CCN4: variants seen among roughly 807,000 people sequenced by gnomAD.
The protein encoded by CCN4 is CCN family member 4.
CCN4 carries 30 observed loss-of-function variants against 36.7 expected under a neutral mutation model. That is an observed-to-expected ratio of 0.82 (90% CI 0.61 to 1.11). The LOEUF is 1.11. Ranked by LOEUF, CCN4 falls within the 50% of genes least tolerant of loss-of-function variation. The pLI, the probability that CCN4 is intolerant of heterozygous loss-of-function variation, is 0.00. For synonymous variants in CCN4, 191 were observed against 195.4 expected, an observed-to-expected ratio of 0.98 and a Z score of 0.19; for missense variants, 505 against 504.9, an observed-to-expected ratio of 1.00 and a Z score of 0.00.
At chr8:133,196,316 T>G (rs1297841954) in intron 1 of CCN4, among the ~76,000 whole-genome samples, 2 of 152,228 alleles carry the variant, frequency 1.3e-5, no homozygotes, top group Non-Finnish European at 2.9e-5. Context: ...AAGCATAAGA[T>G]ACACCATTGA....
intron 1 of CCN4, among the ~76,000 whole-genome samples, chr8:133,200,875 C>A (rs927969090): frequency 5.3e-5 from 8 of 152,200 alleles, no homozygotes; most frequent in Admixed American, 5.2e-4. Flanking sequence ...CATCACGTGT[C>A]ATGCCACGTT....
At chr8:133,220,886 G>A (rs1184542145) in intron 3 of CCN4, 45 bp downstream of exon 3, 1 of 1,557,650 alleles carries the variant, frequency 6.4e-7, no homozygotes, top group African/African-American at 1.4e-5. Flanking sequence ...CCTACAAATG[G>A]GTTGTGGACC....
At chr8:133,226,751 C>T (rs773967343) in intron 4 of CCN4, among the ~76,000 whole-genome samples, 11 of 152,180 alleles carry the variant, frequency 7.2e-5, no homozygotes, top group South Asian at 2.1e-4. Context: ...AGCTTCATGC[C>T]GCCATACAGC....
At chr8:133,217,211 C>CCCAT (rs1854348883) in intron 2 of CCN4, among the ~76,000 whole-genome samples, 1 of 152,240 alleles carries the variant, frequency 6.6e-6, no homozygotes, top group African/African-American at 2.4e-5. Context: ...CACCCCAGTT[C>CCCAT]CCATCCATCC....
intron 1 of CCN4, among the ~76,000 whole-genome samples, chr8:133,210,409 G>GTA (rs1034684064): frequency 1.5e-5 from 2 of 131,684 alleles, no homozygotes; most frequent in African/African-American, 5.0e-5. Flanking sequence ...GTGTGTGTGT[G>GTA]TGTGTGTGTG....
chr8:133,217,936 C>CCACACACACACATGCACACACA (rs1854382523), intron 2 of CCN4, among the ~76,000 whole-genome samples: 4 of 144,432 alleles, frequency 2.8e-5, no homozygotes, highest in African/African-American at 2.7e-5. Flanking sequence ...ACTCCCTTCT[C>CCACACACACACATGCACACACA]CACACACACA....
At chr8:133,202,655 C>G (rs1036951934) in intron 1 of CCN4, among the ~76,000 whole-genome samples, 1 of 152,204 alleles carries the variant, frequency 6.6e-6, no homozygotes, top group East Asian at 1.9e-4. Context: ...GGAAACCACC[C>G]TTGGGAGTTT....
At chr8:133,219,719 A>T (rs1455635703) in intron 2 of CCN4, among the ~76,000 whole-genome samples, 1 of 152,226 alleles carries the variant, frequency 6.6e-6, no homozygotes, top group Non-Finnish European at 1.5e-5. Context: ...CAGCATTCCT[A>T]TGCATAATTG....
Position 133,230,355 on chromosome 8 carries a change from T to C in CCN4, c.*2645T>C, listed in dbSNP as rs1322698541. 2 of 152,228 alleles carry C rather than the reference T, an allele frequency of 1.3e-5. No individual in the cohort carries two copies. Among genetic ancestry groups the C allele is most frequent in the Admixed American group, 1.3e-4 (2 of 15,290 alleles). 9.4% of individuals were successfully genotyped at this position (152,228 alleles called of 1,614,324 possible). On this transcript the variant is annotated 3_prime_UTR_variant, in exon 5 of 5. Transcript: ENST00000250160. ...TATAATGGAAAAAAATCTCCACTGA[T>C]TGAGTGTTTACTTGGTGCCAAGCAC...
At chr8:133,194,380 T>G (rs1277140892) in intron 1 of CCN4, among the ~76,000 whole-genome samples, 12 of 65,782 alleles carry the variant, frequency 1.8e-4, no homozygotes, top group South Asian at 6.1e-4. Context: ...GTGTGTGGGG[T>G]GTGTGTGTGG....
chr8:133,193,392 G>A (rs1480616360), intron 1 of CCN4, among the ~76,000 whole-genome samples: 1 of 152,216 alleles, frequency 6.6e-6, no homozygotes, highest in African/African-American at 2.4e-5. Context: ...AGCCCAGAAG[G>A]AGATCAGCCA....
In CCN4 at chr8:133,220,629, G is replaced by T. The variant is rs1436877826; in HGVS notation, c.398G>T (p.Gly133Val). 6.2e-7 allele frequency: 1 copy of T among 1,614,192 alleles called. No individual in the cohort carries two copies. The highest frequency in any genetic ancestry group is 8.5e-7 in the Non-Finnish European group (1 of 1,180,018). ...CTGGATGGGGTGCGCTACAACAACG[G>T]CCAGTCCTTCCAGCCTAACTGCAAG... Reference protein sequence around the residue: ...CVLDGVRYNNGQSFQPNCKYN... With the variant: ...CVLDGVRYNNVQSFQPNCKYN... Residue 133 changes from glycine (G) to valine (V), a missense_variant, in exon 3 of 5, where the codon GGC (glycine) becomes GTC (valine). Transcript: ENST00000250160.
chr8:133,199,497 T>C (rs1853508179), intron 1 of CCN4, among the ~76,000 whole-genome samples: 1 of 152,116 alleles, frequency 6.6e-6, no homozygotes. Flanking sequence ...AGGTTGGGTG[T>C]GGAGCATGTG....
chr8:133,195,629 C>G (rs935711655), intron 1 of CCN4, among the ~76,000 whole-genome samples: 1 of 152,102 alleles, frequency 6.6e-6, no homozygotes, highest in African/African-American at 2.4e-5. Flanking sequence ...ACGAGGACGG[C>G]ACTGAAAGGC....
At chr8:133,200,848 C>G (rs1193692667) in intron 1 of CCN4, among the ~76,000 whole-genome samples, 2 of 152,184 alleles carry the variant, frequency 1.3e-5, no homozygotes, top group Non-Finnish European at 2.9e-5. Flanking sequence ...TAAGCCCTAG[C>G]AACATGGCCC....
rs536884015 is a variant in CCN4, at chr8:133,213,114, G to A, written c.320G>A (p.Arg107His). 9.3e-6 allele frequency: 15 copies of A among 1,612,768 alleles called. No individual in the cohort carries two copies. In the South Asian group the frequency reaches 1.2e-4, roughly 13 times the overall value. Residue 107 changes from arginine (R) to histidine (H), a missense_variant, in exon 2 of 5, where the codon CGC (arginine) becomes CAC (histidine). Coordinates refer to ENST00000250160, the MANE Select transcript of CCN4 (RefSeq NM_003882.4). Reference protein sequence around the residue: ...RGLYCDYSGDRPRYAIGVCAQ... With the variant: ...RGLYCDYSGDHPRYAIGVCAQ... ...CTCTACTGTGACTACAGCGGGGACC[G>A]CCCGAGGTACGCAATAGGAGTGTGT...
chr8:133,208,555 C>T (rs969838157), intron 1 of CCN4, among the ~76,000 whole-genome samples: 3 of 152,202 alleles, frequency 2.0e-5, no homozygotes, highest in Non-Finnish European at 4.4e-5. Context: ...CATCCTCATC[C>T]GTCCTAGCCT....
chr8:133,207,946 C>A (rs1416435407), intron 1 of CCN4, among the ~76,000 whole-genome samples: 1 of 151,024 alleles, frequency 6.6e-6, no homozygotes, highest in African/African-American at 2.4e-5. Context: ...AATTGTCTAG[C>A]TGCTTCTTGA....
chr8:133,225,627 C>T, intron 4 of CCN4, 44 bp downstream of exon 4: 3 of 1,480,400 alleles, frequency 2.0e-6, no homozygotes, highest in Non-Finnish European at 2.7e-6. Flanking sequence ...CACAAGCAGA[C>T]AAATATGGGT....
Sources: gnomAD v4.1 joint callset for allele counts (sites outside exome capture counted in the v4.1 genomes callset) on GRCh38, gnomAD v4.1.1 for gene constraint, MANE v1.5 for transcripts, NCBI Gene and HGNC (gene_info 2026-07-23, HGNC 2026-07-21) for gene names.